The following FRY variants were observed in gnomAD, a reference collection of about 807,000 sequenced individuals.
FRY encodes protein furry homolog.
A neutral mutation model predicts 348.4 loss-of-function variants in FRY; 128 were observed. The ratio of observed to expected loss-of-function variants is 0.37; its 90% CI spans 0.32 to 0.43. The LOEUF (loss-of-function observed/expected upper bound fraction) is 0.43, where lower values mean the gene tolerates loss of function less well. FRY is among the 20% of genes least tolerant of loss of function. FRY has a pLI of 1.00. For synonymous variants in FRY, 1,370 were observed against 1,374.7 expected (o/e 1.00, Z 0.08); for missense variants, 2,736 against 3,695.2 (o/e 0.74, Z 6.73).
At chr13:32,068,456 T>A (rs1361751608) in intron 1 of FRY, among the ~76,000 whole-genome samples, 1 of 152,202 alleles carries the variant, frequency 6.6e-6, no homozygotes, top group African/African-American at 2.4e-5. Context: ...TGCGCACGGA[T>A]CTTGGCAGAC....
Position 32,178,422 on chromosome 13 carries a change from T to A in FRY, c.2667T>A (p.Pro889=). 1 of 1,614,180 alleles carries A rather than the reference T, an allele frequency of 6.2e-7. No homozygotes were observed. The highest frequency in any genetic ancestry group is 1.3e-5 in the African/African-American group (1 of 75,058). ...TCACTCGGCTCCAGTCGGTGATGCC[T>A]CTGGTGGACCCAAAGTAAGGGATTC... ...YAFTRLQSVM[P]LVDPNSPINA... Residue 889 remains proline, a synonymous_variant, in exon 21 of 61, where the codon CCT becomes CCA. Transcript: ENST00000542859.
At chr13:32,177,882 A>G (rs914969131) in intron 20 of FRY, among the ~76,000 whole-genome samples, 1 of 152,226 alleles carries the variant, frequency 6.6e-6, no homozygotes, top group Non-Finnish European at 1.5e-5. Context: ...TCAACAAATA[A>G]TTAGTGAACA....
At chr13:32,267,477 A>G (rs980949349) in intron 55 of FRY, 118 bp downstream of exon 55, 16 of 859,696 alleles carry the variant, frequency 1.9e-5, no homozygotes, top group African/African-American at 1.5e-4. Flanking sequence ...TTTCTCCTCC[A>G]GACACCCCTA....
At chr13:32,108,036 A>G (rs540922448) in intron 3 of FRY, among the ~76,000 whole-genome samples, 1 of 152,358 alleles carries the variant, frequency 6.6e-6, no homozygotes, top group East Asian at 1.9e-4. Flanking sequence ...GTATATGTAT[A>G]TACATACACA....
intron 2 of FRY, among the ~76,000 whole-genome samples, chr13:32,097,482 T>C (rs904002279): frequency 4.7e-5 from 7 of 148,752 alleles, no homozygotes; most frequent in Non-Finnish European, 7.4e-5. Context: ...CACCTCAGCC[T>C]CCCTAGTAGC....
At chr13:32,196,709 G>A (rs989906403) in intron 29 of FRY, among the ~76,000 whole-genome samples, 5 of 152,074 alleles carry the variant, frequency 3.3e-5, no homozygotes, top group Non-Finnish European at 5.9e-5. Flanking sequence ...AGGACCAAAG[G>A]AAATGAGGAT....
intron 2 of FRY, among the ~76,000 whole-genome samples, chr13:32,084,507 T>C (rs561871090): frequency 1.6e-4 from 24 of 152,156 alleles, no homozygotes; most frequent in Non-Finnish European, 3.1e-4. Context: ...CAAAATCTCA[T>C]CATCTGAAAA....
intron 31 of FRY, among the ~76,000 whole-genome samples, chr13:32,204,639 A>G (rs886501943): frequency 6.6e-6 from 1 of 152,182 alleles, no homozygotes; most frequent in African/African-American, 2.4e-5. Context: ...CAGAAGATCT[A>G]ACTTAACATC....
At chr13:32,253,682 T>G (rs1887196046) in intron 50 of FRY, among the ~76,000 whole-genome samples, 1 of 152,210 alleles carries the variant, frequency 6.6e-6, no homozygotes, top group Non-Finnish European at 1.5e-5. Context: ...ATGGGCCTGG[T>G]TACTCACCTA....
chr13:32,276,019 T>C (rs1270568988), intron 56 of FRY, among the ~76,000 whole-genome samples: 2 of 152,154 alleles, frequency 1.3e-5, no homozygotes, highest in East Asian at 3.8e-4. Context: ...TTGGTGGCTG[T>C]CTTATAGCAA....
chr13:32,122,147 A>G (rs1447774093), intron 4 of FRY, among the ~76,000 whole-genome samples: 1 of 152,180 alleles, frequency 6.6e-6, no homozygotes. Context: ...ATAGATGCAG[A>G]AAAAGCATTA....
intron 1 of FRY, among the ~76,000 whole-genome samples, chr13:32,076,204 A>G (rs1875044202): frequency 6.6e-6 from 1 of 152,186 alleles, no homozygotes; most frequent in African/African-American, 2.4e-5. Flanking sequence ...GAGTCATGCA[A>G]TTATGGATCT....
chr13:32,043,547 C>T (rs1315517143), intron 1 of FRY, among the ~76,000 whole-genome samples: 1 of 152,142 alleles, frequency 6.6e-6, no homozygotes, highest in Non-Finnish European at 1.5e-5. Flanking sequence ...GGATTCCAAC[C>T]TAGACTCTAG....
At chr13:32,197,768 T>C (rs1035070672) in intron 29 of FRY, among the ~76,000 whole-genome samples, 5 of 152,268 alleles carry the variant, frequency 3.3e-5, no homozygotes, top group Non-Finnish European at 4.4e-5. Flanking sequence ...CAGAGCCATC[T>C]TGAGCTTTGT....
chr13:32,064,405 G>GT (rs1874119252), intron 1 of FRY, among the ~76,000 whole-genome samples: 1 of 149,350 alleles, frequency 6.7e-6, no homozygotes, highest in Non-Finnish European at 1.5e-5. Flanking sequence ...TCACAGATAT[G>GT]TCCCCCCTGC....
At chr13:32,200,686 A>G (rs1288068026) in intron 29 of FRY, among the ~76,000 whole-genome samples, 1 of 152,256 alleles carries the variant, frequency 6.6e-6, no homozygotes, top group African/African-American at 2.4e-5. Flanking sequence ...TGGTGAAAAG[A>G]TAACATCTTT....
At chr13:32,151,329 T>C (rs1880779443) in intron 14 of FRY, among the ~76,000 whole-genome samples, 1 of 152,210 alleles carries the variant, frequency 6.6e-6, no homozygotes, top group Non-Finnish European at 1.5e-5. Flanking sequence ...TAGGAGTAAA[T>C]ATTTGGTTAT....
intron 35 of FRY, among the ~76,000 whole-genome samples, chr13:32,215,083 G>A (rs1364299769): frequency 1.3e-5 from 2 of 152,120 alleles, no homozygotes; most frequent in African/African-American, 4.8e-5. Context: ...CTAATGGGAG[G>A]GTAAGACAGT....
intron 2 of FRY, among the ~76,000 whole-genome samples, chr13:32,081,677 C>A (rs1367255495): frequency 2.6e-5 from 4 of 152,144 alleles, no homozygotes; most frequent in African/African-American, 4.8e-5. Context: ...GTGTCATATT[C>A]TTTTCTTGTC....
Sources: gnomAD v4.1 joint callset for allele counts (sites outside exome capture counted in the v4.1 genomes callset) on GRCh38, gnomAD v4.1.1 for gene constraint, MANE v1.5 for transcripts, NCBI Gene and HGNC (gene_info 2026-07-23, HGNC 2026-07-21) for gene names.